The following FLAD1 variants were observed in gnomAD, a reference collection of about 807,000 sequenced individuals.
FLAD1 encodes bifunctional FAD diphosphatase/FAD synthase.
Under a neutral mutation model 55.0 loss-of-function variants are expected in FLAD1, and 35 were observed. That is an observed-to-expected ratio of 0.64 (90% CI 0.49 to 0.84). The LOEUF (loss-of-function observed/expected upper bound fraction) is 0.84, where lower values mean the gene tolerates loss of function less well. Among genes scored for constraint, FLAD1 ranks in the 40% least tolerant of loss-of-function variants. FLAD1 has a pLI of 0.00. For synonymous variants in FLAD1, 267 were observed against 303.0 expected, an observed-to-expected ratio of 0.88 and a Z score of 1.23; for missense variants, 665 against 742.6, an observed-to-expected ratio of 0.90 and a Z score of 1.21.
At position 154,990,465 on chromosome 1, in the gene FLAD1, C is replaced by A. The variant is rs1372396445; in HGVS notation, c.1491C>A (p.Ser497Arg). 6.2e-7 allele frequency: 1 copy of A among 1,614,090 alleles called. No individual in the cohort carries two copies. The highest frequency in any genetic ancestry group is 1.7e-5 in the Admixed American group (1 of 60,014). ...GTRRTDPYSC[S>R]LCPFSPTDPG... The stretch of plus-strand genomic sequence containing the variant: ...GCCGGACTGACCCCTACTCCTGTAG[C>A]CTCTGCCCTTTCAGCCCCACTGACC... Residue 497 changes from serine to arginine, a missense_variant, in exon 5 of 7, where the codon AGC becomes AGA. By Grantham distance (110) the Ser-to-Arg change is moderately radical. Coordinates refer to ENST00000292180, the MANE Select transcript of FLAD1 (RefSeq NM_025207.5).
chr1:154,985,776 A>G (rs1430036207), intron 1 of FLAD1, among the ~76,000 whole-genome samples: 1 of 123,382 alleles, frequency 8.1e-6, no homozygotes, highest in African/African-American at 3.2e-5. Context: ...CCCAGGCTGG[A>G]GTGCAATGGC....
chr1:154,992,636 G>A (rs1558077882), intron 5 of FLAD1, 77 bp from the exon 6 acceptor site: 1 of 1,613,970 alleles, frequency 6.2e-7, no homozygotes. Flanking sequence ...GCCATGGATG[G>A]GCCCCTTCCC....
chr1:154,989,717 C>T lies in FLAD1; in HGVS notation c.1265+10C>T, dbSNP rs771361489. The T allele has an allele frequency of 5.6e-5, 83 of 1,494,656 alleles. No homozygotes were observed. The highest frequency in any genetic ancestry group is 6.4e-5 in the Non-Finnish European group (72 of 1,118,616). 92.6% of individuals were successfully genotyped at this position (1,494,656 alleles called of 1,614,324 possible). ...ATGCAGCTGTGCAGAGGTGAGCCTGCCCCCGGGAGACAAGACCCCTGATCT... is the reference window on the plus strand; with the variant it reads ...ATGCAGCTGTGCAGAGGTGAGCCTGTCCCCGGGAGACAAGACCCCTGATCT... On this transcript the variant is annotated intron_variant, in intron 3 of 6. Transcript: ENST00000292180.
chr1:154,988,416 C>A lies in FLAD1; in HGVS notation c.684C>A (p.Arg228=), dbSNP rs764845268. 1 of 1,614,222 alleles carries A rather than the reference C, an allele frequency of 6.2e-7. No individual in the cohort carries two copies. Among genetic ancestry groups the A allele is most frequent in the South Asian group, 1.1e-5 (1 of 91,086 alleles). Residue 228 remains arginine (R), a synonymous_variant, in exon 2 of 7, where the codon CGC becomes CGA. Transcript: ENST00000292180. ...EKLSLVPSSA[R]LHYGTDPCTG... is the part of the protein sequence containing the mutation. ...TATCATTGGTGCCCTCCTCTGCCCGCCTGCATTATGGCACAGATCCTTGCA... is the reference window on the plus strand; with the variant it reads ...TATCATTGGTGCCCTCCTCTGCCCGACTGCATTATGGCACAGATCCTTGCA...
chr1:154,990,737 G>C, intron 5 of FLAD1: 1 of 502,002 alleles, frequency 2.0e-6, no homozygotes, highest in Non-Finnish European at 3.5e-6. Flanking sequence ...ACTTCCTACT[G>C]TGGATAGAAT....
chr1:154,991,915 G>A (rs183663696), intron 5 of FLAD1, among the ~76,000 whole-genome samples: 280 of 151,916 alleles, frequency 1.8e-3, no homozygotes, highest in African/African-American at 6.3e-3. Flanking sequence ...GGCCGAGGCA[G>A]GCACATCACG....
At chr1:154,992,227 G>C (rs555660791) in intron 5 of FLAD1, among the ~76,000 whole-genome samples, 1 of 151,648 alleles carries the variant, frequency 6.6e-6, no homozygotes, top group African/African-American at 2.4e-5. Flanking sequence ...GGCGGATCAT[G>C]AAGTCAGGAG....
In FLAD1 at chr1:154,983,896, G is replaced by A; in HGVS notation, c.202G>A (p.Asp68Asn). The A allele has an allele frequency of 6.2e-7, 1 of 1,613,266 alleles. No individual in the cohort carries two copies. The highest frequency in any genetic ancestry group is 8.5e-7 in the Non-Finnish European group (1 of 1,179,510). ...FPGYGPQCPV[D>N]LAGPPCLRPL... Reference sequence around the variant, plus strand: ...AGGCTATGGCCCCCAGTGCCCTGTAGACCTGGCAGGCCCCCCGTGCTTGCG... The same window carrying A: ...AGGCTATGGCCCCCAGTGCCCTGTAAACCTGGCAGGCCCCCCGTGCTTGCG... Residue 68 changes from aspartate (D) to asparagine (N), a missense_variant, in exon 1 of 7, where the codon GAC becomes AAC. By Grantham distance (23) the Asp-to-Asn change is conservative. Coordinates refer to ENST00000292180, the MANE Select transcript of FLAD1 (RefSeq NM_025207.5).
In FLAD1 at chr1:154,983,742, G is replaced by A; in HGVS notation, c.48G>A (p.Arg16=). Residue 16 remains arginine (R), a synonymous_variant, in exon 1 of 7, where the codon AGG becomes AGA. Transcript: ENST00000292180. ...GTTTATTCCAGAGGCAGGAACAAAGGAGTCGCTTGTCAAGGATCTGGTTAG... is the reference window on the plus strand; with the variant it reads ...GTTTATTCCAGAGGCAGGAACAAAGAAGTCGCTTGTCAAGGATCTGGTTAG... ...GTRLFQRQEQ[R]SRLSRIWLEK... is the part of the protein sequence containing the mutation. The A allele has an allele frequency of 2.5e-6, 4 of 1,614,076 alleles. No individual in the cohort carries two copies. The highest frequency in any genetic ancestry group is 3.4e-6 in the Non-Finnish European group (4 of 1,179,952).
intron 2 of FLAD1, chr1:154,989,093 A>T: frequency 1.0e-6 from 1 of 978,580 alleles, no homozygotes; most frequent in East Asian, 2.7e-5. Context: ...CCAGTGTTTT[A>T]ACAAAAAAAG....
At position 154,984,015 on chromosome 1, in the gene FLAD1, G is replaced by A; in HGVS notation, c.321G>A (p.Pro107=). Residue 107 remains proline, a synonymous_variant, in exon 1 of 7, where the codon CCG becomes CCA. Coordinates refer to ENST00000292180, the MANE Select transcript of FLAD1 (RefSeq NM_025207.5). The part of the protein sequence containing the change: ...TMTSRASELS[P]GRSVTAGIII... ...CATCTAGGGCCTCTGAACTTTCTCC[G>A]GGGCGCAGCGTGACGGCTGGCATCA... is the stretch of plus-strand genomic sequence containing the variant. The A allele has an allele frequency of 6.6e-7, 1 of 1,514,822 alleles. No individual in the cohort carries two copies. Among genetic ancestry groups the A allele is most frequent in the Non-Finnish European group, 8.8e-7 (1 of 1,131,078 alleles). 93.8% of individuals were successfully genotyped at this position (1,514,822 alleles called of 1,614,324 possible).
chr1:154,990,407 A>G lies in FLAD1; in HGVS notation c.1433A>G (p.His478Arg). 6.2e-7 allele frequency: 1 copy of G among 1,613,844 alleles called. No individual in the cohort carries two copies. ...KQALGELQAR[H>R]PQLEAVLMGT... The stretch of plus-strand genomic sequence containing the variant: ...GCCCTGGGTGAACTGCAGGCACGGC[A>G]CCCCCAGCTGGAGGCTGTCCTTATG... Residue 478 changes from histidine (H) to arginine (R), a missense_variant, in exon 5 of 7, where the codon CAC (histidine) becomes CGC (arginine). Coordinates refer to ENST00000292180, the MANE Select transcript of FLAD1 (RefSeq NM_025207.5).
Position 154,988,654 on chromosome 1 carries a change from C to T in FLAD1, c.922C>T (p.Leu308Phe), listed in dbSNP as rs767007390. Residue 308 changes from leucine (L) to phenylalanine (F), a missense_variant, in exon 2 of 7, where the codon CTT becomes TTT. Transcript: ENST00000292180. ...GGCCCAGGCCCACTTTGGACGTAGG[C>T]TTGGCCTGGGTTCCTACCCTGACTG... ...AEAQAHFGRRLGLGSYPDWGS... is the reference protein window; with the variant it reads ...AEAQAHFGRRFGLGSYPDWGS... The T allele has an allele frequency of 3.1e-6, 5 of 1,614,126 alleles. No individual in the cohort carries two copies. In the African/African-American group the frequency reaches 4.0e-5, roughly 13 times the overall value.
intron 1 of FLAD1, among the ~76,000 whole-genome samples, chr1:154,985,255 A>T: frequency 1.4e-5 from 2 of 138,646 alleles, no homozygotes; most frequent in African/African-American, 2.8e-5. Flanking sequence ...TTTTTTAGAT[A>T]GTCTCACTCT....
Position 154,993,044 on chromosome 1 carries a change from A to C in FLAD1, c.*7A>C. 1 of 1,612,258 alleles carries C rather than the reference A, an allele frequency of 6.2e-7. No homozygotes were observed. The highest frequency in any genetic ancestry group is 8.5e-7 in the Non-Finnish European group (1 of 1,178,482). On this transcript the variant is annotated 3_prime_UTR_variant, in exon 7 of 7. Transcript: ENST00000292180. ...GCGGAACTCCCGCACATGACCTCCC[A>C]CCCTAGGAGGGAGGGAAGGACACCG...
At chr1:154,991,247 T>C (rs1350820853) in intron 5 of FLAD1, 1 of 137,712 alleles carries the variant, frequency 7.3e-6, no homozygotes, top group Non-Finnish European at 1.5e-5. Flanking sequence ...TATATGTATA[T>C]ATATATATAC....
rs200493231 is a variant in FLAD1, at chr1:154,990,525, G to A, written c.1551G>A (p.Leu517=). ...GWPAFMRINP[L]LDWTYRDIWD... ...CCGCATTCATGCGCATCAACCCACT[G>A]CTGGTAATGGGGAAGAGGGTTTATC... The change falls in exon 5 of 7, where the codon CTG becomes CTA. Residue 517 remains leucine, a synonymous_variant. Transcript: ENST00000292180. 34 of 1,597,498 alleles carry A rather than the reference G, an allele frequency of 2.1e-5. No individual in the cohort carries two copies. The highest frequency in any genetic ancestry group is 2.5e-5 in the Non-Finnish European group (29 of 1,170,672).
At chr1:154,986,147 T>C (rs891425841) in intron 1 of FLAD1, among the ~76,000 whole-genome samples, 4 of 151,922 alleles carry the variant, frequency 2.6e-5, no homozygotes, top group African/African-American at 9.7e-5. Flanking sequence ...CAGGCAATTA[T>C]CTCACCTCAG....
chr1:154,990,506 T>A lies in FLAD1; in HGVS notation c.1532T>A (p.Phe511Tyr). Residue 511 changes from phenylalanine to tyrosine, a missense_variant, in exon 5 of 7, where the codon TTC becomes TAC. By Grantham distance (22) the Phe-to-Tyr change is conservative. Transcript: ENST00000292180. ...FSPTDPGWPA[F>Y]MRINPLLDWT... ...CCCACTGACCCAGGCTGGCCCGCAT[T>A]CATGCGCATCAACCCACTGCTGGTA... The A allele has an allele frequency of 6.2e-7, 1 of 1,608,218 alleles. No individual in the cohort carries two copies. The highest frequency in any genetic ancestry group is 8.5e-7 in the Non-Finnish European group (1 of 1,176,926).
Sources: gnomAD v4.1 joint callset for allele counts (sites outside exome capture counted in the v4.1 genomes callset) on GRCh38, gnomAD v4.1.1 for gene constraint, MANE v1.5 for transcripts, NCBI Gene and HGNC (gene_info 2026-07-23, HGNC 2026-07-21) for gene names.